The following LIMS1 variants were observed in gnomAD, a reference collection of about 807,000 sequenced individuals.
LIMS1 encodes LIM zinc finger domain containing 1.
In LIMS1, 18 loss-of-function variants were observed where a neutral mutation model predicts 44.1. The ratio of observed to expected loss-of-function variants is 0.41; its 90% CI spans 0.28 to 0.61. The LOEUF (loss-of-function observed/expected upper bound fraction) is 0.61, where lower values mean the gene tolerates loss of function less well. LIMS1 is among the 20% of genes least tolerant of loss of function. The pLI, the probability that LIMS1 is intolerant of heterozygous loss-of-function variation, is 0.32. For missense variants in LIMS1, 201 were observed against 422.0 expected, an observed-to-expected ratio of 0.48 and a Z score of 4.59; for synonymous variants, 93 against 149.1, an observed-to-expected ratio of 0.62 and a Z score of 2.74.
rs56867834 is a variant in LIMS1, at chr2:108,591,825, C to T, written c.32+57231C>T. 4.8e-3 allele frequency among the ~76,000 whole-genome samples: 704 copies of T among 145,746 alleles called. 4 individuals carry two copies. Among genetic ancestry groups the T allele is most frequent in the African/African-American group, 0.017 (665 of 39,538 alleles). ...TGTTTTTTTTTTTGAGACAGAGTCT[C>T]GCCCTGTCATCCAGGCTGGAGTGCA... On this transcript the variant is annotated intron_variant, in intron 1 of 9. Coordinates refer to ENST00000544547, the Ensembl canonical transcript of LIMS1.
At chr2:108,658,936 G>T (rs1470286687) in intron 1 of LIMS1, among the ~76,000 whole-genome samples, 1 of 152,292 alleles carries the variant, frequency 6.6e-6, no homozygotes, top group Admixed American at 6.5e-5. Context: ...TGTGATGTTG[G>T]TCTGATCCTT....
intron 1 of LIMS1, among the ~76,000 whole-genome samples, chr2:108,633,138 C>T (rs1464573575): frequency 1.3e-5 from 2 of 152,222 alleles, no homozygotes; most frequent in East Asian, 3.8e-4. Context: ...TCCTGCTCTT[C>T]TGTCCCTTTG....
At chr2:108,535,350 G>C (rs989825988) in intron 1 of LIMS1, among the ~76,000 whole-genome samples, 9 of 152,210 alleles carry the variant, frequency 5.9e-5, no homozygotes, top group African/African-American at 2.2e-4. Context: ...TTTCTCAAAG[G>C]CTGGTTTGGA....
Position 108,672,307 on chromosome 2 carries a change from T to G in LIMS1, c.260-18T>G. ...GGATGTTACTTAGTAACATCCTTTG[T>G]GTGTTGCTTTCCCACAGGTGAATTC... On this transcript the variant is annotated intron_variant, in intron 3 of 9. Transcript: ENST00000544547. 8.0e-7 allele frequency: 1 copy of G among 1,251,536 alleles called. No individual in the cohort carries two copies. The highest frequency in any genetic ancestry group is 1.1e-6 in the Non-Finnish European group (1 of 926,630). 77.5% of individuals were successfully genotyped at this position (1,251,536 alleles called of 1,614,324 possible). A position where few individuals can be genotyped will look rare whatever the true frequency, so the allele number is the denominator to read the frequency against.
exon 10 of LIMS1, chr2:108,685,430 T>TG (rs1192755200): frequency 2.8e-5 from 4 of 142,372 alleles, no homozygotes; most frequent in Non-Finnish European, 6.5e-5. Context: ...GGAAAATATT[T>TG]GGGTTTTTTT....
intron 1 of LIMS1, among the ~76,000 whole-genome samples, chr2:108,617,896 A>G (rs566201356): frequency 5.3e-4 from 80 of 152,342 alleles, no homozygotes; most frequent in South Asian, 3.7e-3. Flanking sequence ...AGGAGAACCC[A>G]GCAGTTTGGA....
At chr2:108,587,316 G>A (rs571939480) in intron 1 of LIMS1, among the ~76,000 whole-genome samples, 1 of 141,794 alleles carries the variant, frequency 7.1e-6, no homozygotes, top group Non-Finnish European at 1.5e-5. Context: ...GTGTGTGTGT[G>A]TGTGTGTGTG....
chr2:108,606,150 G>T (rs1045273268), intron 1 of LIMS1, among the ~76,000 whole-genome samples: 14 of 152,226 alleles, frequency 9.2e-5, no homozygotes, highest in Non-Finnish European at 1.9e-4. Context: ...TATAACTTAG[G>T]TTTTCATTTG....
exon 4 of LIMS1, chr2:108,672,384 T>G (rs1692227623): frequency 8.2e-7 from 1 of 1,226,406 alleles, no homozygotes; most frequent in Non-Finnish European, 1.1e-6. Flanking sequence ...TCCGGAGTGC[T>G]TCCGCTGTGA....
chr2:108,588,466 A>G, intron 1 of LIMS1: 1 of 985,564 alleles, frequency 1.0e-6, no homozygotes. Flanking sequence ...GAGGTTCTTT[A>G]CTCTTGAATT....
intron 1 of LIMS1, among the ~76,000 whole-genome samples, chr2:108,549,116 T>C (rs1558782473): frequency 1.3e-5 from 2 of 152,190 alleles, no homozygotes; most frequent in East Asian, 1.9e-4. Context: ...ACTTGTCAAA[T>C]GAATAAATAA....
intron 1 of LIMS1, among the ~76,000 whole-genome samples, chr2:108,629,556 GA>G (rs1688776661): frequency 1.3e-5 from 2 of 152,224 alleles, no homozygotes; most frequent in Admixed American, 6.5e-5. Flanking sequence ...GAGACTCTCA[GA>G]AAAGGTGTGG....
At chr2:108,588,935 T>C (rs993592225) in intron 1 of LIMS1, among the ~76,000 whole-genome samples, 1 of 152,214 alleles carries the variant, frequency 6.6e-6, no homozygotes, top group Admixed American at 6.5e-5. Flanking sequence ...TTAAAAACAA[T>C]TGATAAACAG....
chr2:108,583,700 C>CTTTCTTT (rs1553455342), intron 1 of LIMS1, among the ~76,000 whole-genome samples: 2 of 129,858 alleles, frequency 1.5e-5, no homozygotes, highest in Admixed American at 1.7e-4. Flanking sequence ...GTTGCTGTTT[C>CTTTCTTT]TTTTTTTTTT....
At chr2:108,603,831 A>G (rs895403351) in intron 1 of LIMS1, among the ~76,000 whole-genome samples, 1 of 152,062 alleles carries the variant, frequency 6.6e-6, no homozygotes, top group African/African-American at 2.4e-5. Flanking sequence ...TTTTAAAAAA[A>G]CTTTTTATTG....
intron 1 of LIMS1, among the ~76,000 whole-genome samples, chr2:108,536,116 C>A (rs1362209111): frequency 6.6e-6 from 1 of 152,182 alleles, no homozygotes; most frequent in African/African-American, 2.4e-5. Context: ...ATAATAGTTT[C>A]CTTTTAAGAC....
chr2:108,681,111 T>C lies in LIMS1; in HGVS notation c.899+341T>C, dbSNP rs1452260928. 7.8e-6 allele frequency: 10 copies of C among 1,278,100 alleles called. No homozygotes were observed. In the African/African-American group the frequency reaches 1.5e-4, roughly 20 times the overall value. 79.2% of individuals were successfully genotyped at this position (1,278,100 alleles called of 1,614,324 possible). On this transcript the variant is annotated intron_variant, in intron 9 of 9. Coordinates refer to ENST00000544547, the Ensembl canonical transcript of LIMS1. ...GCAGAAAAAGAAAAAGCCAGTCTGT[T>C]TGTAAACTTTTCTATCCCTGTGTCA...
chr2:108,572,618 T>G (rs1192265498), intron 1 of LIMS1, among the ~76,000 whole-genome samples: 1 of 152,092 alleles, frequency 6.6e-6, no homozygotes, highest in East Asian at 1.9e-4. Context: ...ACTCCTGACC[T>G]TGTGTTCCAC....
intron 1 of LIMS1, among the ~76,000 whole-genome samples, chr2:108,628,806 T>G (rs1438356797): frequency 6.6e-6 from 1 of 151,984 alleles, no homozygotes; most frequent in Non-Finnish European, 1.5e-5. Context: ...CAGTAATGAG[T>G]TTTATGAAGG....
Sources: gnomAD v4.1 joint callset for allele counts (sites outside exome capture counted in the v4.1 genomes callset) on GRCh38, gnomAD v4.1.1 for gene constraint, MANE v1.5 for transcripts, NCBI Gene and HGNC (gene_info 2026-07-23, HGNC 2026-07-21) for gene names.